The following EPC1 variants were observed in gnomAD, a reference collection of about 807,000 sequenced individuals.
EPC1 encodes enhancer of polycomb 1.
In EPC1, 12 loss-of-function variants were observed where a neutral mutation model predicts 98.4. That is an observed-to-expected ratio of 0.12 (90% CI 0.08 to 0.20). The LOEUF (loss-of-function observed/expected upper bound fraction) is 0.20, where lower values mean the gene tolerates loss of function less well. EPC1 is among the 10% of genes least tolerant of loss of function. The probability of loss-of-function intolerance (pLI) is 1.00; values close to 1 mark genes in which losing one functional copy is unlikely to be tolerated. For synonymous variants in EPC1, 357 were observed against 363.9 expected (o/e 0.98, Z 0.21); for missense variants, 729 against 990.5 (o/e 0.74, Z 3.54).
At chr10:32,271,983 G>T in intron 12 of EPC1, 43 bp downstream of exon 12, 1 of 1,598,174 alleles carries the variant, frequency 6.3e-7, no homozygotes, top group Non-Finnish European at 8.5e-7. Flanking sequence ...ATAGATATAT[G>T]TTATAAATAT....
chr10:32,352,147 C>T (rs1839132390), upstream of EPC1, among the ~76,000 whole-genome samples: 1 of 150,756 alleles, frequency 6.6e-6, no homozygotes, highest in Non-Finnish European at 1.5e-5. Flanking sequence ...CAGGTTCACG[C>T]CATTCTTCTG....
Position 32,268,959 on chromosome 10 carries a change from C to T in EPC1, c.*104G>A, listed in dbSNP as rs560571340. On this transcript the variant is annotated 3_prime_UTR_variant, in exon 14 of 14. Coordinates refer to ENST00000319778, the MANE Select transcript of EPC1 (RefSeq NM_001272004.3). ...CATTGCTGTCAAGTCCCCACAGCTG[C>T]CACAGAAACGCATGTGCTGCTTTCC... 1.8e-5 allele frequency: 17 copies of T among 951,872 alleles called. No homozygotes were observed. In the African/African-American group the frequency reaches 2.6e-4, roughly 15 times the overall value. The allele number at this position is 951,872 out of a possible 1,614,324, so 59.0% of individuals were successfully genotyped here.
upstream of EPC1, among the ~76,000 whole-genome samples, chr10:32,347,660 C>T (rs915471572): frequency 6.6e-6 from 1 of 151,794 alleles, no homozygotes; most frequent in Non-Finnish European, 1.5e-5. Context: ...CCAGAGGCGC[C>T]GCGCGCCGCC....
intron 2 of EPC1, among the ~76,000 whole-genome samples, chr10:32,304,541 T>A (rs1164097066): frequency 6.6e-6 from 1 of 152,188 alleles, no homozygotes; most frequent in African/African-American, 2.4e-5. Flanking sequence ...AAAATTGGTT[T>A]CTCAATGTGC....
At chr10:32,338,586 A>T (rs1398224466) in intron 1 of EPC1, among the ~76,000 whole-genome samples, 1 of 151,628 alleles carries the variant, frequency 6.6e-6, no homozygotes, top group African/African-American at 2.4e-5. Flanking sequence ...CCCCCTGCTC[A>T]CTCTGCTCTG....
chr10:32,362,713 A>G (rs1839478370), intron 1 of EPC1, among the ~76,000 whole-genome samples: 1 of 152,182 alleles, frequency 6.6e-6, no homozygotes, highest in South Asian at 2.1e-4. Context: ...CCACCTGGAT[A>G]GTTTTTGGCC....
At chr10:32,323,039 A>C (rs1837027130) in intron 1 of EPC1, among the ~76,000 whole-genome samples, 1 of 152,216 alleles carries the variant, frequency 6.6e-6, no homozygotes, top group Non-Finnish European at 1.5e-5. Flanking sequence ...GGTGATGTAT[A>C]CTCAAATTAC....
Position 32,347,137 on chromosome 10 carries a change from G to A in EPC1, c.-222C>T. ...TCTTCAATACGCCATGGCCAACATG[G>A]CGGACATTAAAACTCCACTGTGCGC... On this transcript the variant is annotated 5_prime_UTR_variant, in exon 1 of 14. Transcript: ENST00000319778. The A allele has an allele frequency of 2.8e-6, 4 of 1,424,526 alleles. No homozygotes were observed. Among genetic ancestry groups the A allele is most frequent in the Non-Finnish European group, 3.7e-6 (4 of 1,093,640 alleles). The allele number at this position is 1,424,526 out of a possible 1,614,324, so 88.2% of individuals were successfully genotyped here. A position where few individuals can be genotyped will look rare whatever the true frequency, so the allele number is the denominator to read the frequency against.
chr10:32,357,051 T>G (rs1189548008), intron 1 of EPC1, among the ~76,000 whole-genome samples: 1 of 152,166 alleles, frequency 6.6e-6, no homozygotes, highest in African/African-American at 2.4e-5. Context: ...CCTATAATCA[T>G]TGTTTAAGTA....
chr10:32,334,601 C>A (rs1240701058), intron 1 of EPC1, among the ~76,000 whole-genome samples: 1 of 152,194 alleles, frequency 6.6e-6, no homozygotes, highest in Non-Finnish European at 1.5e-5. Context: ...CCTCTTTATA[C>A]ACTAGCTGCT....
chr10:32,365,720 G>A (rs17574925), intron 1 of EPC1, among the ~76,000 whole-genome samples: 3 of 149,744 alleles, frequency 2.0e-5, no homozygotes, highest in South Asian at 2.1e-4. Flanking sequence ...TTGGGGGGCC[G>A]AGGCAGGAGA....
At chr10:32,348,433 C>T (rs758678515), upstream of EPC1, among the ~76,000 whole-genome samples, 24 of 152,100 alleles carry the variant, frequency 1.6e-4, no homozygotes, top group Non-Finnish European at 1.6e-4. Context: ...CTGGGAACTA[C>T]GTAGTAAAAG....
chr10:32,324,374 A>G (rs1461414696), intron 1 of EPC1, among the ~76,000 whole-genome samples: 1 of 151,132 alleles, frequency 6.6e-6, no homozygotes, highest in Non-Finnish European at 1.5e-5. Flanking sequence ...TGGCCAACGT[A>G]GTGAAACCCG....
intron 1 of EPC1, among the ~76,000 whole-genome samples, chr10:32,329,460 A>G (rs1837507567): frequency 2.0e-5 from 3 of 152,244 alleles, no homozygotes; most frequent in African/African-American, 7.2e-5. Context: ...CTTAAACTCA[A>G]TTGAACATTC....
chr10:32,292,526 A>G lies in EPC1; in HGVS notation c.785T>C (p.Leu262Ser). 1 of 1,597,894 alleles carries G rather than the reference A, an allele frequency of 6.3e-7. No homozygotes were observed. Reference sequence around the variant, plus strand: ...TTCCATAATTTCCAGTGTTAAGTGCAATAGCTCTCTTTTACTTTTTTCTCT... The same window carrying G: ...TTCCATAATTTCCAGTGTTAAGTGCGATAGCTCTCTTTTACTTTTTTCTCT... ...KRREKSKRELLHLTLEIMEKR... is the reference protein window; with the variant it reads ...KRREKSKRELSHLTLEIMEKR... The change falls in exon 5 of 14, where the codon TTG (leucine) becomes TCG (serine). Residue 262 changes from leucine to serine, a missense_variant. Transcript: ENST00000319778.
At chr10:32,313,896 T>A (rs899227520) in intron 1 of EPC1, among the ~76,000 whole-genome samples, 5 of 151,692 alleles carry the variant, frequency 3.3e-5, no homozygotes, top group Admixed American at 6.6e-5. Context: ...CAAAAAAAAA[T>A]AAATAAATAA....
At chr10:32,311,107 G>A (rs1029593646) in intron 1 of EPC1, among the ~76,000 whole-genome samples, 2 of 151,934 alleles carry the variant, frequency 1.3e-5, no homozygotes, top group African/African-American at 4.8e-5. Context: ...TCAGGAGATC[G>A]AGACCATCCT....
chr10:32,377,334 C>T (rs1310354522), intron 1 of EPC1: 1 of 152,200 alleles, frequency 6.6e-6, no homozygotes, highest in African/African-American at 2.4e-5. Flanking sequence ...AAATGAAATT[C>T]AACTTTTACA....
At chr10:32,350,201 A>C (rs1310796297), upstream of EPC1, among the ~76,000 whole-genome samples, 1 of 152,230 alleles carries the variant, frequency 6.6e-6, no homozygotes, top group African/African-American at 2.4e-5. Context: ...AAGGATTTGG[A>C]GTATTTAAGA....
Sources: allele counts gnomAD v4.1 joint callset (sites outside exome capture counted in the v4.1 genomes callset), GRCh38; gene constraint gnomAD v4.1.1; transcripts MANE v1.5; gene names NCBI Gene and HGNC (gene_info 2026-07-23, HGNC 2026-07-21).